The following LRP1B variants were observed in gnomAD, a reference collection of about 807,000 sequenced individuals.
LRP1B encodes low-density lipoprotein receptor-related protein 1B.
Under a neutral mutation model 556.6 loss-of-function variants are expected in LRP1B, and 217 were observed. The ratio of observed to expected loss-of-function variants is 0.39; its 90% CI spans 0.35 to 0.44. The LOEUF is 0.44. Ranked by LOEUF, LRP1B falls within the 20% of genes least tolerant of loss-of-function variation. LRP1B has a pLI of 1.00. For synonymous variants in LRP1B, 2,047 were observed against 1,865.8 expected, an observed-to-expected ratio of 1.10 and a Z score of -2.50; for missense variants, 5,053 against 5,620.8, an observed-to-expected ratio of 0.90 and a Z score of 3.23.
At chr2:141,947,165 C>A (rs1700975932) in intron 1 of LRP1B, among the ~76,000 whole-genome samples, 1 of 152,108 alleles carries the variant, frequency 6.6e-6, no homozygotes, top group Non-Finnish European at 1.5e-5. Flanking sequence ...GGCACGGTGG[C>A]TCATGCCTAT....
At chr2:140,592,465 G>A (rs1682265817) in intron 43 of LRP1B, among the ~76,000 whole-genome samples, 1 of 150,536 alleles carries the variant, frequency 6.6e-6, no homozygotes, top group Non-Finnish European at 1.5e-5. Context: ...TTTAGAAGTT[G>A]ACACTCATCT....
Position 140,274,608 on chromosome 2 carries a change from A to G in LRP1B, c.12968-10T>C, listed in dbSNP as rs756225761. The G allele has an allele frequency of 6.2e-7, 1 of 1,605,108 alleles. No individual in the cohort carries two copies. The highest frequency in any genetic ancestry group is 8.5e-7 in the Non-Finnish European group (1 of 1,175,308). On this transcript the variant is annotated splice_polypyrimidine_tract_variant and intron_variant, in intron 84 of 90. Transcript: ENST00000389484. ...TAGTGGTGGCACACGTCTAGGAAAA[A>G]AAGGCACAACAGAAAAATAAAATTA...
At chr2:141,263,266 A>T (rs1157780094) in intron 3 of LRP1B, among the ~76,000 whole-genome samples, 1 of 152,096 alleles carries the variant, frequency 6.6e-6, no homozygotes, top group African/African-American at 2.4e-5. Flanking sequence ...AACTAAAAAG[A>T]AACACATTAC....
chr2:140,983,741 C>T lies in LRP1B; in HGVS notation c.2771-1465G>A, dbSNP rs188873488. ...TCTTAGTGTCTAAAATTAGAAATAT[C>T]AGGAAAATTATTGTAGTATGTATTT... On this transcript the variant is annotated intron_variant, in intron 17 of 90. Transcript: ENST00000389484. Among the ~76,000 whole-genome samples the T allele has an allele frequency of 4.9e-4, 75 of 152,056 alleles. No individual in the cohort carries two copies. In the East Asian group the frequency reaches 0.01, roughly 20 times the overall value.
At chr2:140,691,393 C>A (rs948158264) in intron 41 of LRP1B, among the ~76,000 whole-genome samples, 1 of 151,226 alleles carries the variant, frequency 6.6e-6, no homozygotes, top group Non-Finnish European at 1.5e-5. Context: ...ATCACTTGAA[C>A]CTGGAAGGCG....
chr2:141,208,223 A>G (rs1229855252), intron 6 of LRP1B: 2 of 152,322 alleles, frequency 1.3e-5, no homozygotes, highest in Non-Finnish European at 2.9e-5. Context: ...CCTCATGACC[A>G]CCATCCTTCA....
chr2:141,208,704 A>T (rs1006041646), intron 6 of LRP1B, among the ~76,000 whole-genome samples: 3 of 151,570 alleles, frequency 2.0e-5, no homozygotes, highest in African/African-American at 7.3e-5. Flanking sequence ...CGTCTCTATT[A>T]AAAAAATACA....
At chr2:140,318,832 T>C (rs1684647133) in intron 82 of LRP1B, among the ~76,000 whole-genome samples, 1 of 152,138 alleles carries the variant, frequency 6.6e-6, no homozygotes, top group African/African-American at 2.4e-5. Context: ...AATTACTAGA[T>C]AATAAAATCT....
Position 140,968,027 on chromosome 2 carries a change from A to G in LRP1B, c.2887+14133T>C, listed in dbSNP as rs555315540. 4.0e-3 allele frequency among the ~76,000 whole-genome samples: 322 copies of G among 80,050 alleles called. 6 individuals carry two copies. The highest frequency in any genetic ancestry group is 0.013 in the African/African-American group (304 of 24,002). The allele number at this position is 80,050 out of a possible 152,430, so 52.5% of individuals were successfully genotyped here. A position where few individuals can be genotyped will look rare whatever the true frequency, so the allele number is the denominator to read the frequency against. ...CTTTTTTTGCCAGGCTTTGGTATCAAGATGATGCTGGCCTCATAAAATGAG... is the reference window on the plus strand; with the variant it reads ...CTTTTTTTGCCAGGCTTTGGTATCAGGATGATGCTGGCCTCATAAAATGAG... On this transcript the variant is annotated intron_variant, in intron 18 of 90. Transcript: ENST00000389484.
intron 2 of LRP1B, among the ~76,000 whole-genome samples, chr2:141,535,430 G>T (rs1685039606): frequency 6.6e-6 from 1 of 151,918 alleles, no homozygotes; most frequent in Admixed American, 6.6e-5. Context: ...TATTACTGTT[G>T]TGTAAACATG....
At chr2:140,798,467 A>G (rs1690393906) in intron 32 of LRP1B, among the ~76,000 whole-genome samples, 1 of 152,094 alleles carries the variant, frequency 6.6e-6, no homozygotes, top group Admixed American at 6.5e-5. Flanking sequence ...TCTTTCATTT[A>G]TTTTTTAAGG....
At chr2:140,903,420 T>C (rs564319285) in intron 22 of LRP1B, among the ~76,000 whole-genome samples, 2 of 152,050 alleles carry the variant, frequency 1.3e-5, no homozygotes, top group Non-Finnish European at 2.9e-5. Context: ...CTTGGGAGTA[T>C]AGTTTGCTTT....
chr2:141,491,018 A>G (rs1206134551), intron 2 of LRP1B, among the ~76,000 whole-genome samples: 1 of 150,414 alleles, frequency 6.6e-6, no homozygotes, highest in African/African-American at 2.5e-5. Flanking sequence ...TGGGTGATAC[A>G]TGTGCATTAA....
At chr2:141,158,163 T>A (rs977668555) in intron 7 of LRP1B, among the ~76,000 whole-genome samples, 1 of 152,092 alleles carries the variant, frequency 6.6e-6, no homozygotes, top group Middle Eastern at 3.2e-3. Context: ...ATTAATATAT[T>A]TTTTTCTCTT....
chr2:140,597,290 T>C (rs1682480615), intron 43 of LRP1B, among the ~76,000 whole-genome samples: 1 of 152,198 alleles, frequency 6.6e-6, no homozygotes, highest in Non-Finnish European at 1.5e-5. Context: ...GTTAGTGCTA[T>C]CTTATTACTC....
intron 60 of LRP1B, among the ~76,000 whole-genome samples, chr2:140,464,606 T>C (rs1027043312): frequency 1.3e-5 from 2 of 152,214 alleles, no homozygotes; most frequent in African/African-American, 4.8e-5. Context: ...ACCTGTGAAG[T>C]AAACAAAGCA....
At chr2:141,187,716 A>G (rs929091265) in intron 7 of LRP1B, among the ~76,000 whole-genome samples, 12 of 152,028 alleles carry the variant, frequency 7.9e-5, no homozygotes, top group South Asian at 2.1e-4. Flanking sequence ...AGATGATGGG[A>G]ATTTAAACAT....
At chr2:140,912,520 T>C (rs868237324) in intron 21 of LRP1B, among the ~76,000 whole-genome samples, 17 of 151,820 alleles carry the variant, frequency 1.1e-4, no homozygotes, top group South Asian at 1.0e-3. Context: ...AGTAACCAAG[T>C]AAATCATTTT....
chr2:140,478,617 C>A (rs2105352556), intron 59 of LRP1B, among the ~76,000 whole-genome samples: 1 of 152,164 alleles, frequency 6.6e-6, no homozygotes, highest in South Asian at 2.1e-4. Flanking sequence ...TCTTTTCTAA[C>A]AAGCACTATA....
Sources: allele counts gnomAD v4.1 joint callset (sites outside exome capture counted in the v4.1 genomes callset), GRCh38; gene constraint gnomAD v4.1.1; transcripts MANE v1.5; gene names NCBI Gene and HGNC (gene_info 2026-07-23, HGNC 2026-07-21).